Variants in HPSE2 observed in about 807,000 individuals in gnomAD.
HPSE2 encodes inactive heparanase-2.
Under a neutral mutation model 60.5 loss-of-function variants are expected in HPSE2, and 38 were observed. The ratio of observed to expected loss-of-function variants is 0.63; its 90% CI spans 0.48 to 0.82. HPSE2 has a LOEUF of 0.82. HPSE2 is among the 40% of genes least tolerant of loss of function. HPSE2 has a pLI of 0.00. For missense variants in HPSE2, 713 were observed against 740.4 expected (o/e 0.96, Z 0.43); for synonymous variants, 295 against 293.2 (o/e 1.01, Z -0.06).
chr10:99,267,830 T>C, the HPSE2 span, among the ~76,000 whole-genome samples: 1 of 151,290 alleles, frequency 6.6e-6, no homozygotes. Flanking sequence ...TAAGAATAAT[T>C]GGTGTTCCTG....
At chr10:99,032,063 TA>T (rs1316108766) in intron 3 of HPSE2, among the ~76,000 whole-genome samples, 3 of 152,158 alleles carry the variant, frequency 2.0e-5, no homozygotes, top group Non-Finnish European at 2.9e-5. Flanking sequence ...ATATCTCGCT[TA>T]AATATAAGCA....
intron 7 of HPSE2, among the ~76,000 whole-genome samples, chr10:98,625,939 A>G (rs1056877899): frequency 6.6e-6 from 1 of 152,008 alleles, no homozygotes; most frequent in South Asian, 2.1e-4. Context: ...CGTTTCTACT[A>G]AAAATGCAAA....
intron 4 of HPSE2, among the ~76,000 whole-genome samples, chr10:98,735,018 T>C (rs558915922): frequency 3.9e-5 from 6 of 152,180 alleles, no homozygotes; most frequent in African/African-American, 1.4e-4. Flanking sequence ...CTGAAATCCA[T>C]AGTCTACATT....
chr10:98,639,274 G>GT (rs1946577438), intron 7 of HPSE2, among the ~76,000 whole-genome samples: 1 of 152,110 alleles, frequency 6.6e-6, no homozygotes, highest in Non-Finnish European at 1.5e-5. Context: ...CATTCCCTCT[G>GT]TACCCTTTGA....
intron 3 of HPSE2, among the ~76,000 whole-genome samples, chr10:98,831,126 C>T (rs1274347008): frequency 8.5e-5 from 13 of 152,060 alleles, no homozygotes; most frequent in Non-Finnish European, 1.9e-4. Context: ...TACAAGAGAG[C>T]AGGAAGAAAT....
At chr10:98,830,928 A>T (rs1447334496) in intron 3 of HPSE2, among the ~76,000 whole-genome samples, 2 of 152,202 alleles carry the variant, frequency 1.3e-5, no homozygotes, top group Admixed American at 1.3e-4. Context: ...CATGCTTGAA[A>T]AATTTCAGCC....
intron 2 of HPSE2, among the ~76,000 whole-genome samples, chr10:99,148,821 C>A (rs1485871179): frequency 2.2e-5 from 3 of 135,650 alleles, no homozygotes; most frequent in African/African-American, 5.2e-5. Context: ...ATCAATCAAT[C>A]AATAAAATAG....
rs1467315121 is a variant in HPSE2 at position 99,119,059 on chromosome 10, A to AAGAC, written c.610+25178_610+25179insGTCT. On this transcript the variant is annotated intron_variant, in intron 3 of 11. Coordinates refer to ENST00000370552, the MANE Select transcript of HPSE2 (RefSeq NM_021828.5). ...AGAAAGAAAAGAAAAGAAAGAAAGA[A>AAGAC]AGAGAGAGAAAGAAAGAAAGAGAAA... Among the ~76,000 whole-genome samples the AAGAC allele has an allele frequency of 1.8e-3, 261 of 144,478 alleles. 1 individual carries two copies. Among genetic ancestry groups the AAGAC allele is most frequent in the African/African-American group, 6.5e-3 (256 of 39,436 alleles). The allele number at this position is 144,478 out of a possible 152,430, so 94.8% of individuals were successfully genotyped here.
chr10:99,060,994 A>T (rs1291603361), intron 3 of HPSE2, among the ~76,000 whole-genome samples: 1 of 152,138 alleles, frequency 6.6e-6, no homozygotes, highest in East Asian at 1.9e-4. Flanking sequence ...ATAAAAATTT[A>T]AATTTTTTTT....
upstream of HPSE2, chr10:99,235,938 A>ACT (rs569676120): frequency 1.6e-4 from 97 of 603,450 alleles, no homozygotes; most frequent in African/African-American, 1.5e-3. Context: ...ACACACACAC[A>ACT]CTCTCTCTCT....
the HPSE2 span, among the ~76,000 whole-genome samples, chr10:99,267,188 T>C: frequency 6.6e-6 from 1 of 151,804 alleles, no homozygotes; most frequent in Non-Finnish European, 1.5e-5. Flanking sequence ...ATTCAGAAGG[T>C]CGATTATTAA....
intron 5 of HPSE2, among the ~76,000 whole-genome samples, chr10:98,696,307 A>ACC: frequency 7.3e-6 from 1 of 137,338 alleles, no homozygotes; most frequent in Admixed American, 7.4e-5. Flanking sequence ...AAAAAAAAAA[A>ACC]AAAAAAAAAA....
At chr10:98,666,832 A>C (rs1947375621) in intron 6 of HPSE2, among the ~76,000 whole-genome samples, 1 of 152,136 alleles carries the variant, frequency 6.6e-6, no homozygotes, top group South Asian at 2.1e-4. Context: ...TAAGTAGTTA[A>C]AAAATTTCAA....
At chr10:99,249,657 G>T in the HPSE2 span, among the ~76,000 whole-genome samples, 1 of 152,300 alleles carries the variant, frequency 6.6e-6, no homozygotes, top group African/African-American at 2.4e-5. Context: ...ATGTGAGAAG[G>T]ACATGAAATT....
intron 3 of HPSE2, among the ~76,000 whole-genome samples, chr10:98,864,728 T>G (rs1952545547): frequency 6.6e-6 from 1 of 152,200 alleles, no homozygotes; most frequent in Non-Finnish European, 1.5e-5. Context: ...TGAAAGTTGC[T>G]ATGTGTATGA....
intron 9 of HPSE2, among the ~76,000 whole-genome samples, chr10:98,558,913 G>C (rs576112198): frequency 3.3e-5 from 5 of 152,180 alleles, no homozygotes; most frequent in African/African-American, 4.8e-5. Context: ...AGCAGAGGCC[G>C]TACCCTTGAG....
intron 4 of HPSE2, among the ~76,000 whole-genome samples, chr10:98,725,558 C>A (rs1024313018): frequency 3.3e-5 from 5 of 152,044 alleles, no homozygotes; most frequent in African/African-American, 9.7e-5. Context: ...CTAGGCAATA[C>A]CATTCAGGAC....
At chr10:98,782,921 T>TA (rs1950510112) in intron 3 of HPSE2, among the ~76,000 whole-genome samples, 1 of 40,872 alleles carries the variant, frequency 2.4e-5, no homozygotes, top group African/African-American at 1.4e-4. Context: ...TATTTTTTTT[T>TA]TTTTATTTTT....
intron 2 of HPSE2, among the ~76,000 whole-genome samples, chr10:99,187,320 G>C (rs761317970): frequency 1.3e-5 from 2 of 152,070 alleles, no homozygotes; most frequent in Non-Finnish European, 1.5e-5. Flanking sequence ...TATAATTTTT[G>C]AAAGAAGACT....
Sources: gnomAD v4.1 joint callset for allele counts (sites outside exome capture counted in the v4.1 genomes callset) on GRCh38, gnomAD v4.1.1 for gene constraint, MANE v1.5 for transcripts, NCBI Gene and HGNC (gene_info 2026-07-23, HGNC 2026-07-21) for gene names.